Variants in ZNF638 observed in about 807,000 individuals in gnomAD.
The protein encoded by ZNF638 is CTCL tumor antigen se33-1.
In ZNF638, 46 loss-of-function variants were observed where a neutral mutation model predicts 195.6. The ratio of observed to expected loss-of-function variants is 0.24; its 90% confidence interval spans 0.19 to 0.30. The LOEUF (loss-of-function observed/expected upper bound fraction) is 0.30. Ranked by LOEUF, ZNF638 falls within the 10% of genes least tolerant of loss-of-function variation. The pLI is 1.00. For missense variants in ZNF638, 2,440 were observed against 2,325.3 expected, an observed-to-expected ratio of 1.05 and a Z score of -1.01; for synonymous variants, 845 against 772.0, an observed-to-expected ratio of 1.09 and a Z score of -1.57.
intron 15 of ZNF638, 77 bp from the exon 16 acceptor site, chr2:71,401,879 C>A: frequency 1.6e-6 from 2 of 1,265,830 alleles, no homozygotes; most frequent in Non-Finnish European, 2.2e-6. Context: ...ACTAATATAA[C>A]ATGATACACA....
chr2:71,426,794 T>C lies in ZNF638; in HGVS notation c.4925T>C (p.Leu1642Pro). 2 of 1,613,266 alleles carry C rather than the reference T, an allele frequency of 1.2e-6. No homozygotes were observed. Among genetic ancestry groups the C allele is most frequent in the Non-Finnish European group, 1.7e-6 (2 of 1,179,556 alleles). ...GAAATGGTAAAAAATTCAAATTCACTTTTTACATTAGATGAATTAATTGAC... is the reference window on the plus strand; with the variant it reads ...GAAATGGTAAAAAATTCAAATTCACCTTTTACATTAGATGAATTAATTGAC... ...MEEMVKNSNS[L>P]FTLDELIDQD... Residue 1642 changes from leucine (L) to proline (P), a missense_variant, in exon 24 of 28, where the codon CTT (leucine) becomes CCT (proline). Transcript: ENST00000264447.
In ZNF638 at chr2:71,365,510, CTGA is replaced by C; in HGVS notation, c.1801_1803del (p.Asp601del). 1 of 1,614,038 alleles carries C rather than the reference CTGA, an allele frequency of 6.2e-7. No individual in the cohort carries two copies. The highest frequency in any genetic ancestry group is 8.5e-7 in the Non-Finnish European group (1 of 1,179,954). On this transcript the variant is annotated inframe_deletion, in exon 6 of 28. Transcript: ENST00000264447. ...AATAAACAGAAGCATCTTGAAGCTG[CTGA>C]TAAGGGACATTCACCAGCACAAAAG...
At chr2:71,399,184 T>G (rs768013671) in intron 12 of ZNF638, among the ~76,000 whole-genome samples, 11 of 152,166 alleles carry the variant, frequency 7.2e-5, no homozygotes, top group Non-Finnish European at 1.5e-4. Context: ...AATGGAACAC[T>G]ATTTAAAATA....
At chr2:71,403,391 G>A (rs2104437718) in intron 16 of ZNF638, among the ~76,000 whole-genome samples, 1 of 152,196 alleles carries the variant, frequency 6.6e-6, no homozygotes, top group South Asian at 2.1e-4. Flanking sequence ...CAAAATGTAT[G>A]GAGCTACAGT....
chr2:71,434,678 A>G (rs369936439), intron 27 of ZNF638, 64 bp from the exon 28 acceptor site: 54 of 1,341,562 alleles, frequency 4.0e-5, no homozygotes, highest in African/African-American at 2.8e-4. Flanking sequence ...TACAGTAGAT[A>G]AGTTTGCACA....
In ZNF638 at chr2:71,428,572, A is replaced by T. The variant is rs1309211873; in HGVS notation, c.5571A>T (p.Arg1857Ser). The T allele has an allele frequency of 1.2e-6, 2 of 1,614,068 alleles. No homozygotes were observed. The highest frequency in any genetic ancestry group is 3.3e-5 in the Admixed American group (2 of 60,006). ...LTAKTPTKRV[R>S]IGKTLPSEKA... ...CTAAAACTCCAACCAAGAGAGTTAG[A>T]ATTGGGAAAACTCTGCCATCAGAAA... Residue 1857 changes from arginine (R) to serine (S), a missense_variant, in exon 25 of 28, where the codon AGA (arginine) becomes AGT (serine). Arg to Ser is a moderately radical substitution (Grantham distance 110). This residue lies in a region of ZNF638 where 1,883 missense variants were observed against 1,739.1 expected (regional missense o/e 1.08). Transcript: ENST00000264447.
chr2:71,386,607 C>G (rs1369634358), intron 10 of ZNF638, among the ~76,000 whole-genome samples: 2 of 152,014 alleles, frequency 1.3e-5, no homozygotes, highest in Non-Finnish European at 2.9e-5. Context: ...GAAGGAAAAC[C>G]TAAGAGAATC....
At chr2:71,352,510 AGAAG>A (rs1467529496) in intron 2 of ZNF638, among the ~76,000 whole-genome samples, 4 of 136,800 alleles carry the variant, frequency 2.9e-5, no homozygotes, top group Admixed American at 7.4e-5. Flanking sequence ...AAAAAAAAAA[AGAAG>A]AGGAGGGTTG....
intron 1 of ZNF638, among the ~76,000 whole-genome samples, chr2:71,346,096 A>G (rs1414507256): frequency 6.6e-6 from 1 of 152,204 alleles, no homozygotes; most frequent in African/African-American, 2.4e-5. Flanking sequence ...TCACAATTCC[A>G]TTTAGTAATT....
intron 10 of ZNF638, chr2:71,393,449 C>G (rs1292453031): frequency 2.8e-6 from 2 of 718,248 alleles, no homozygotes; most frequent in Non-Finnish European, 5.2e-6. Flanking sequence ...TGGCTAGGAC[C>G]CAACACAGTA....
intron 1 of ZNF638, among the ~76,000 whole-genome samples, chr2:71,336,606 T>C (rs2078675297): frequency 6.6e-6 from 1 of 152,230 alleles, no homozygotes; most frequent in African/African-American, 2.4e-5. Context: ...GGATTTACAA[T>C]TTTAGTTAAT....
chr2:71,349,181 A>G lies in ZNF638; in HGVS notation c.227A>G (p.His76Arg). ...AGAATGAATGTTCAGGTAACTCAAC[A>G]CAGAACTGATCCAAGATTGACCAAA... ...PQRMNVQVTQHRTDPRLTKEK... is the reference protein window; with the variant it reads ...PQRMNVQVTQRRTDPRLTKEK... The change falls in exon 2 of 28, where the codon CAC (histidine) becomes CGC (arginine). Residue 76 changes from histidine (H) to arginine (R), a missense_variant. Physicochemically the swap from His to Arg is conservative, Grantham distance 29 (BLOSUM62 0). Around this residue, in one of 5 missense-constraint regions of ZNF638, gnomAD observed 191 missense variants for 173.8 expected, o/e 1.10. Transcript: ENST00000264447. 1 of 1,614,216 alleles carries G rather than the reference A, an allele frequency of 6.2e-7. No individual in the cohort carries two copies. The highest frequency in any genetic ancestry group is 8.5e-7 in the Non-Finnish European group (1 of 1,180,032).
intron 10 of ZNF638, among the ~76,000 whole-genome samples, chr2:71,387,998 A>AG (rs1474244844): frequency 6.6e-6 from 1 of 152,192 alleles, no homozygotes. Flanking sequence ...AAACATATGA[A>AG]GACGGATACA....
intron 10 of ZNF638, among the ~76,000 whole-genome samples, chr2:71,390,052 A>G (rs73941828): frequency 0.013 from 1,915 of 152,304 alleles, 63 homozygotes; most frequent in African/African-American, 0.044. Flanking sequence ...AAGAAGAGGC[A>G]GTGCCCCACT....
rs541849461 is a variant in ZNF638, at chr2:71,426,939, A to G, written c.5070A>G (p.Glu1690=). Residue 1690 remains glutamate (E), a synonymous_variant, in exon 24 of 28, where the codon GAA becomes GAG. Coordinates refer to ENST00000264447, the MANE Select transcript of ZNF638 (RefSeq NM_014497.5). ...LVTVDEIGEV[E]ELPLNESADI... ...CTGTGGATGAAATTGGAGAAGTGGA[A>G]GAGCTACCTTTGAATGAGTCAGCAG... 1.9e-5 allele frequency: 31 copies of G among 1,613,918 alleles called. No individual in the cohort carries two copies. In the South Asian group the frequency reaches 3.2e-4, roughly 17 times the overall value.
At chr2:71,409,308 ATTATC>A (rs747150183) in intron 20 of ZNF638, among the ~76,000 whole-genome samples, 1 of 152,162 alleles carries the variant, frequency 6.6e-6, no homozygotes, top group Non-Finnish European at 1.5e-5. Context: ...TCAACTCTAT[ATTATC>A]TTCTCTTCAA....
At chr2:71,383,560 G>GTTTTTTTTTTT (rs57987492) in intron 10 of ZNF638, among the ~76,000 whole-genome samples, 9 of 122,104 alleles carry the variant, frequency 7.4e-5, no homozygotes, top group African/African-American at 2.9e-4. Flanking sequence ...TTCCTGGGTG[G>GTTTTTTTTTTT]TTTTTTTTTT....
In ZNF638 at chr2:71,433,303, C is replaced by T. The variant is rs377559419; in HGVS notation, c.5871+20C>T. The T allele has an allele frequency of 7.1e-6, 11 of 1,543,016 alleles. No individual in the cohort carries two copies. The highest frequency in any genetic ancestry group is 1.4e-5 in the African/African-American group (1 of 73,522). On this transcript the variant is annotated intron_variant, in intron 27 of 27. Coordinates refer to ENST00000264447, the MANE Select transcript of ZNF638 (RefSeq NM_014497.5). ...ACTGAGGTAATTTTAAAAATTCTTACAAAATCTTGAGGTGTTGTTATTGTC... is the reference window on the plus strand; with the variant it reads ...ACTGAGGTAATTTTAAAAATTCTTATAAAATCTTGAGGTGTTGTTATTGTC...
chr2:71,400,315 T>C, intron 14 of ZNF638, 135 bp downstream of exon 14: 1 of 1,044,016 alleles, frequency 9.6e-7, no homozygotes, highest in Non-Finnish European at 1.4e-6. Context: ...GAAATTTAAA[T>C]GTATTTTTTA....
Sources: gnomAD v4.1 joint callset for allele counts (sites outside exome capture counted in the v4.1 genomes callset) on GRCh38, gnomAD v4.1.1 for gene constraint, gnomAD v4.1.1 regional missense constraint, MANE v1.5 for transcripts, NCBI Gene and HGNC (gene_info 2026-07-23, HGNC 2026-07-21) for gene names.